The following NPLOC4 variants were observed in gnomAD, a reference collection of about 807,000 sequenced individuals.
NPLOC4 encodes nuclear protein localization protein 4 homolog.
NPLOC4 carries 18 observed loss-of-function variants against 80.6 expected under a neutral mutation model. The observed-to-expected ratio is 0.22, with a 90% CI of 0.15 to 0.33. The LOEUF (loss-of-function observed/expected upper bound fraction) is 0.33, where lower values mean the gene tolerates loss of function less well. Among genes scored for constraint, NPLOC4 ranks in the 10% least tolerant of loss-of-function variants. The pLI is 1.00. For missense variants in NPLOC4, 540 were observed against 786.1 expected (o/e 0.69, Z 3.74); for synonymous variants, 313 against 301.5 (o/e 1.04, Z -0.39).
rs188608363 is a variant in NPLOC4, at chr17:81,605,729, G to A, written c.654+962C>T. 3.9e-5 allele frequency among the ~76,000 whole-genome samples: 6 copies of A among 152,134 alleles called. No individual in the cohort carries two copies. The East Asian group carries it at 1.2e-3, about 29-fold the overall frequency. ...ACGGGGTTATAGGAGGATGGAGATG[G>A]GTTTCATCTATCAATAAATTCAAAA... On this transcript the variant is annotated intron_variant, in intron 7 of 16. Coordinates refer to ENST00000331134, the MANE Select transcript of NPLOC4 (RefSeq NM_017921.4).
intron 2 of NPLOC4, among the ~76,000 whole-genome samples, chr17:81,627,596 G>A (rs1171618136): frequency 2.0e-5 from 3 of 151,868 alleles, no homozygotes; most frequent in Admixed American, 6.6e-5. Context: ...AAACTTAGCC[G>A]GACTTGGTGG....
chr17:81,629,940 AC>A, intron 1 of NPLOC4, 135 bp from the exon 2 acceptor site: 2 of 652,606 alleles, frequency 3.1e-6, no homozygotes, highest in Non-Finnish European at 5.5e-6. Context: ...ACCTTTCAAT[AC>A]CCAGCTCAAT....
chr17:81,575,276 A>AT (rs766318094), intron 12 of NPLOC4, among the ~76,000 whole-genome samples: 34 of 151,738 alleles, frequency 2.2e-4, no homozygotes, highest in Non-Finnish European at 4.4e-4. Context: ...ATTTTTTTCT[A>AT]TTTTTTAGTA....
At position 81,580,807 on chromosome 17, in the gene NPLOC4, A is replaced by C. The variant is rs1229265708; in HGVS notation, c.1281+8137T>G. Among the ~76,000 whole-genome samples the C allele has an allele frequency of 6.6e-6, 1 of 152,200 alleles. No homozygotes were observed. The highest frequency in any genetic ancestry group is 1.5e-5 in the Non-Finnish European group (1 of 68,026). ...GTGTTCTCTAAACATGAGAGAATGG[A>C]TGCCGTGAGAGCATCGCACAGTGAA... On this transcript the variant is annotated intron_variant, in intron 12 of 16. Coordinates refer to ENST00000331134, the MANE Select transcript of NPLOC4 (RefSeq NM_017921.4). This position sits in a 1 kb window ranked among gnomAD's most constrained non-coding sequence, Gnocchi z 4.4.
rs551681869 is a variant in NPLOC4 at position 81,627,434 on chromosome 17, T to C, written c.96+2291A>G. 1.9e-4 allele frequency among the ~76,000 whole-genome samples: 28 copies of C among 149,690 alleles called. 2 individuals are homozygous for C. The highest frequency in any genetic ancestry group is 5.9e-4 in the African/African-American group (24 of 40,750). ...TGCATGGTGGGGAACAAAAATGAAC[T>C]GTCAACTCAGAAATCTGTTTTGAGG... On this transcript the variant is annotated intron_variant, in intron 2 of 16. Coordinates refer to ENST00000331134, the MANE Select transcript of NPLOC4 (RefSeq NM_017921.4).
chr17:81,559,701 G>A (rs1163733267), intron 16 of NPLOC4, among the ~76,000 whole-genome samples: 1 of 151,930 alleles, frequency 6.6e-6, no homozygotes, highest in Non-Finnish European at 1.5e-5. Flanking sequence ...AACTCCCCGG[G>A]GGATGTGCAT....
chr17:81,633,655 C>G lies in NPLOC4; in HGVS notation c.15+3261G>C, dbSNP rs184130861. On this transcript the variant is annotated intron_variant, in intron 1 of 16. Coordinates refer to ENST00000331134, the MANE Select transcript of NPLOC4 (RefSeq NM_017921.4). ...TATTTATAAGAAAATAAGACTAGAA[C>G]GCTTCTTGGGGAAGTTGAAGAACTG... Among the ~76,000 whole-genome samples, 264 of 152,258 alleles carry G rather than the reference C, an allele frequency of 1.7e-3. 1 individual carries two copies. Among genetic ancestry groups the G allele is most frequent in the African/African-American group, 6.0e-3 (248 of 41,536 alleles).
intron 3 of NPLOC4, among the ~76,000 whole-genome samples, 198 bp from the exon 4 acceptor site, chr17:81,613,692 T>A (rs2035401948): frequency 6.6e-6 from 1 of 152,154 alleles, no homozygotes; most frequent in Non-Finnish European, 1.5e-5. Context: ...GTATGCAGGT[T>A]CTCTGTAATT....
At chr17:81,607,427 G>C (rs1245952490) in intron 6 of NPLOC4, among the ~76,000 whole-genome samples, 1 of 151,000 alleles carries the variant, frequency 6.6e-6, no homozygotes. Flanking sequence ...GTATCTTTAA[G>C]GTAGACGTGA....
chr17:81,616,320 C>CA (rs56118520), intron 3 of NPLOC4, among the ~76,000 whole-genome samples: 637 of 38,382 alleles, frequency 0.017, 9 homozygotes, highest in Middle Eastern at 0.048. Context: ...GACTCTGTCT[C>CA]AAAAAAAAAA....
chr17:81,610,297 G>A, intron 4 of NPLOC4, 39 bp from the exon 5 acceptor site: 1 of 1,549,904 alleles, frequency 6.5e-7, no homozygotes. Context: ...AGAGCAGTGA[G>A]GATGTCTGTG....
At chr17:81,590,691 T>C (rs1185284617) in intron 11 of NPLOC4, among the ~76,000 whole-genome samples, 1 of 151,984 alleles carries the variant, frequency 6.6e-6, no homozygotes, top group Non-Finnish European at 1.5e-5. Context: ...CCTCAATACC[T>C]CTATTTCAGT....
chr17:81,566,076 G>A (rs753986794), intron 15 of NPLOC4, among the ~76,000 whole-genome samples: 6 of 152,232 alleles, frequency 3.9e-5, no homozygotes, highest in Admixed American at 6.5e-5. Flanking sequence ...GCTCACGCCT[G>A]TAATCCCAAC....
intron 4 of NPLOC4, among the ~76,000 whole-genome samples, chr17:81,612,417 C>A (rs2035365466): frequency 6.6e-6 from 1 of 152,202 alleles, no homozygotes; most frequent in Admixed American, 6.6e-5. Context: ...GCAAGCAAGC[C>A]AGTGCCAGGC....
chr17:81,558,290 A>G lies in NPLOC4; in HGVS notation c.*969T>C, dbSNP rs1055910651. The G allele has an allele frequency of 7.9e-5, 12 of 152,334 alleles. No homozygotes were observed. The highest frequency in any genetic ancestry group is 2.7e-4 in the African/African-American group (11 of 41,460). The allele number at this position is 152,334 out of a possible 1,614,324, so 9.4% of individuals were successfully genotyped here. On this transcript the variant is annotated 3_prime_UTR_variant, in exon 17 of 17. Coordinates refer to ENST00000331134, the MANE Select transcript of NPLOC4 (RefSeq NM_017921.4). ...GCGGTGCAGTGGGACGAAGCAGCGT[A>G]TTGGGGAGGGCCAGAGCATCGGCAC...
chr17:81,590,359 T>G (rs544249471), intron 11 of NPLOC4, among the ~76,000 whole-genome samples: 2 of 152,296 alleles, frequency 1.3e-5, no homozygotes, highest in Non-Finnish European at 2.9e-5. Context: ...GTGGTCCAGT[T>G]AGACCAGATC....
intron 16 of NPLOC4, among the ~76,000 whole-genome samples, chr17:81,561,546 C>T (rs985418449): frequency 2.0e-5 from 3 of 152,174 alleles, no homozygotes; most frequent in Non-Finnish European, 4.4e-5. Context: ...AGAATCTTTG[C>T]GTACCCCAAG....
In NPLOC4 at chr17:81,593,991, C is replaced by T. The variant is rs1219766767; in HGVS notation, c.1120+2125G>A. 3.3e-5 allele frequency among the ~76,000 whole-genome samples: 5 copies of T among 152,198 alleles called. No individual in the cohort carries two copies. The East Asian group carries it at 9.7e-4, about 29-fold the overall frequency. ...ACAACTTAGGAAAATAAATCTGACT[C>T]GGCCGGGCGCAGTGGCTCACGCCTG... On this transcript the variant is annotated intron_variant, in intron 11 of 16. Transcript: ENST00000331134.
At chr17:81,631,648 A>AT (rs2035934420) in intron 1 of NPLOC4, among the ~76,000 whole-genome samples, 1 of 152,036 alleles carries the variant, frequency 6.6e-6, no homozygotes, top group African/African-American at 2.4e-5. Context: ...TGCAGCAAAC[A>AT]AAGACCTGCT....
Sources: gnomAD v4.1 joint callset for allele counts (sites outside exome capture counted in the v4.1 genomes callset) on GRCh38, gnomAD v4.1.1 for gene constraint, Gnocchi (gnomAD v3.1) non-coding constraint, MANE v1.5 for transcripts, NCBI Gene and HGNC (gene_info 2026-07-23, HGNC 2026-07-21) for gene names.